Variants in CPAMD8 observed in about 807,000 individuals in gnomAD.
CPAMD8 encodes the protein C3 and PZP like alpha-2-macroglobulin domain containing 8.
In CPAMD8, 146 loss-of-function variants were observed where a neutral mutation model predicts 224.7. That is an observed-to-expected ratio of 0.65 (90% CI 0.57 to 0.75). The LOEUF (loss-of-function observed/expected upper bound fraction) is 0.75. Among genes scored for constraint, CPAMD8 ranks in the 30% least tolerant of loss-of-function variants. The pLI is 0.00. For synonymous variants in CPAMD8, 966 were observed against 1,044.6 expected, an observed-to-expected ratio of 0.92 and a Z score of 1.45; for missense variants, 2,301 against 2,537.5, an observed-to-expected ratio of 0.91 and a Z score of 2.00.
intron 3 of CPAMD8, 91 bp from the exon 4 acceptor site, chr19:17,011,848 G>C (rs1394875656): frequency 7.0e-7 from 1 of 1,425,568 alleles, no homozygotes; most frequent in Non-Finnish European, 9.5e-7. Flanking sequence ...GGAACAGGGG[G>C]AACTCACCCC....
intron 25 of CPAMD8, among the ~76,000 whole-genome samples, chr19:16,927,776 G>C (rs1192897775): frequency 6.6e-6 from 1 of 152,196 alleles, no homozygotes; most frequent in African/African-American, 2.4e-5. Flanking sequence ...ATCTCACCTG[G>C]ACTAGGAGTC....
At position 17,001,345 on chromosome 19, in the gene CPAMD8, C is replaced by A. The variant is rs909732470; in HGVS notation, c.759-823G>T. On this transcript the variant is annotated intron_variant, in intron 9 of 41. Transcript: ENST00000443236. ...GAAAAAAAAAAAAAAAAAAAAAAAA[C>A]AAGGATCAACCCCTCTCGGGTCAGC... is the stretch of plus-strand genomic sequence containing the variant. Among the ~76,000 whole-genome samples, 54 of 90,602 alleles carry A rather than the reference C, an allele frequency of 6.0e-4. 1 individual carries two copies. The highest frequency in any genetic ancestry group is 4.8e-3 in the East Asian group (14 of 2,918). 59.4% of individuals were successfully genotyped at this position (90,602 alleles called of 152,430 possible).
At chr19:16,998,010 T>C (rs952573299) in intron 10 of CPAMD8, among the ~76,000 whole-genome samples, 4 of 152,180 alleles carry the variant, frequency 2.6e-5, no homozygotes, top group Admixed American at 2.6e-4. Flanking sequence ...CAGAAAGAGC[T>C]GTGGAGTAAA....
chr19:16,923,604 C>A (rs2053253118), intron 26 of CPAMD8, among the ~76,000 whole-genome samples: 1 of 152,210 alleles, frequency 6.6e-6, no homozygotes, highest in Non-Finnish European at 1.5e-5. Flanking sequence ...AGGTTAGGAT[C>A]TCCAGATGAG....
intron 25 of CPAMD8, among the ~76,000 whole-genome samples, chr19:16,925,802 G>A (rs2053338270): frequency 1.3e-5 from 2 of 151,374 alleles, no homozygotes; most frequent in South Asian, 4.2e-4. Context: ...CACCCAGGCT[G>A]GAGTATAGTG....
chr19:16,927,876 A>C, intron 25 of CPAMD8, 133 bp downstream of exon 25: 1 of 678,372 alleles, frequency 1.5e-6, no homozygotes, highest in Non-Finnish European at 2.6e-6. Context: ...GCTGCTTGTC[A>C]GGTGAGTGGG....
chr19:16,929,107 G>A lies in CPAMD8; in HGVS notation c.2979C>T (p.Asp993=), dbSNP rs774248168. 1 of 1,614,094 alleles carries A rather than the reference G, an allele frequency of 6.2e-7. No individual in the cohort carries two copies. The highest frequency in any genetic ancestry group is 8.5e-7 in the Non-Finnish European group (1 of 1,179,996). The change falls in exon 24 of 42, where the codon GAC becomes GAT. Residue 993 remains aspartate, a synonymous_variant. Coordinates refer to ENST00000443236, the MANE Select transcript of CPAMD8 (RefSeq NM_015692.5). ...GGACGATCTCGATCATGCCTGCTGT[G>A]TCCTGGGGCCCAGAAGACAAGGCCA... ...ARVALSSGPQ[D]TAGMIEIVLG... is the part of the protein sequence containing the mutation.
chr19:16,907,276 C>T (rs969616101), intron 29 of CPAMD8, among the ~76,000 whole-genome samples, 159 bp from the exon 30 acceptor site: 9 of 141,136 alleles, frequency 6.4e-5, no homozygotes, highest in African/African-American at 2.4e-4. Context: ...ACCCAATTTT[C>T]AAACCCCATC....
intron 7 of CPAMD8, among the ~76,000 whole-genome samples, chr19:17,005,622 G>C (rs1207067027): frequency 6.6e-6 from 1 of 152,116 alleles, no homozygotes; most frequent in Non-Finnish European, 1.5e-5. Flanking sequence ...CCACTCCTGA[G>C]TGTGACACGC....
At chr19:16,937,838 G>A (rs188857640) in intron 23 of CPAMD8, among the ~76,000 whole-genome samples, 1 of 152,192 alleles carries the variant, frequency 6.6e-6, no homozygotes, top group East Asian at 1.9e-4. Flanking sequence ...ATTTTTAGTA[G>A]AGATGGGGTT....
intron 19 of CPAMD8, among the ~76,000 whole-genome samples, chr19:16,957,046 T>C (rs75906152): frequency 0.021 from 3,275 of 152,330 alleles, 52 homozygotes; most frequent in Non-Finnish European, 0.032. Context: ...ATTTGAATGA[T>C]GATGGACAGA....
At chr19:16,929,729 T>C (rs533064080) in intron 23 of CPAMD8, among the ~76,000 whole-genome samples, 1 of 152,068 alleles carries the variant, frequency 6.6e-6, no homozygotes, top group Non-Finnish European at 1.5e-5. Context: ...AACAAAAAGA[T>C]AAGATGCTCA....
chr19:16,966,535 T>C (rs2054832830), intron 18 of CPAMD8, among the ~76,000 whole-genome samples: 1 of 152,072 alleles, frequency 6.6e-6, no homozygotes, highest in Admixed American at 6.6e-5. Context: ...CAAAAGAAAC[T>C]ACCATCAGAG....
At position 16,952,916 on chromosome 19, in the gene CPAMD8, TG is replaced by T. The variant is rs2054343452; in HGVS notation, c.2277-717del. Among the ~76,000 whole-genome samples the T allele has an allele frequency of 2.0e-5, 3 of 152,186 alleles. No homozygotes were observed. In the South Asian group the frequency reaches 6.2e-4, roughly 32 times the overall value. On this transcript the variant is annotated intron_variant, in intron 19 of 41. Coordinates refer to ENST00000443236, the MANE Select transcript of CPAMD8 (RefSeq NM_015692.5). ...TTACATGGATCTCAAGGGATCCTGG[TG>T]GCCAAACAAAGAAACCAGAAGAATA...
rs777237068 is a variant in CPAMD8, at chr19:17,004,384, T to C, written c.562A>G (p.Ile188Val). The change falls in exon 8 of 42, where the codon ATC (isoleucine) becomes GTC (valine). Residue 188 changes from isoleucine to valine, a missense_variant and splice_region_variant. Physicochemically the swap from Ile to Val is conservative, Grantham distance 29. Coordinates refer to ENST00000443236, the MANE Select transcript of CPAMD8 (RefSeq NM_015692.5). ...GACAAGGGGAAGCTCATGTTGGTGA[T>C]GCCTGTGTGAAGAGAGAGGGCAAGG... Reference protein sequence around the residue: ...WRHLKPFCCGITNMSFPLSDQ... With the variant: ...WRHLKPFCCGVTNMSFPLSDQ... 1.0e-5 allele frequency: 16 copies of C among 1,607,536 alleles called. No homozygotes were observed. The highest frequency in any genetic ancestry group is 1.6e-4 in the Middle Eastern group (1 of 6,064).
At chr19:16,954,281 T>A (rs548609799) in intron 19 of CPAMD8, among the ~76,000 whole-genome samples, 2 of 149,180 alleles carry the variant, frequency 1.3e-5, no homozygotes, top group South Asian at 4.2e-4. Context: ...TGCAGTGAGC[T>A]GAGATTGCAC....
intron 29 of CPAMD8, among the ~76,000 whole-genome samples, chr19:16,908,438 GCCTGGTCACCT>G (rs1370090769): frequency 2.0e-5 from 3 of 151,812 alleles, no homozygotes; most frequent in Non-Finnish European, 4.4e-5. Flanking sequence ...CAGCCTCCAG[GCCTGGTCACCT>G]CCTTAGAGAA....
intron 14 of CPAMD8, among the ~76,000 whole-genome samples, chr19:16,977,843 C>T (rs1000888934): frequency 4.6e-5 from 7 of 152,118 alleles, no homozygotes; most frequent in Admixed American, 6.6e-5. Flanking sequence ...GCTTCCTCCG[C>T]GGACACCAAA....
intron 11 of CPAMD8, among the ~76,000 whole-genome samples, chr19:16,994,842 T>C (rs941926207): frequency 4.6e-5 from 7 of 152,152 alleles, no homozygotes; most frequent in Non-Finnish European, 1.0e-4. Context: ...TGGATCTCAC[T>C]ATGTTGCCCA....
Sources: allele counts gnomAD v4.1 joint callset (sites outside exome capture counted in the v4.1 genomes callset), GRCh38; gene constraint gnomAD v4.1.1; transcripts MANE v1.5; gene names NCBI Gene and HGNC (gene_info 2026-07-23, HGNC 2026-07-21).